The following SMPD3 variants were observed in gnomAD, a reference collection of about 807,000 sequenced individuals.
SMPD3 encodes sphingomyelin phosphodiesterase 3.
Under a neutral mutation model 55.7 loss-of-function variants are expected in SMPD3, and 21 were observed. The observed-to-expected ratio is 0.38, with a 90% CI of 0.27 to 0.54. SMPD3 has a LOEUF of 0.54. Among genes scored for constraint, SMPD3 ranks in the 20% least tolerant of loss-of-function variants. The pLI, the probability that SMPD3 is intolerant of heterozygous loss-of-function variation, is 0.80. For synonymous variants in SMPD3, 457 were observed against 404.3 expected (o/e 1.13, Z -1.56); for missense variants, 842 against 899.6 (o/e 0.94, Z 0.82).
At chr16:68,383,173 A>G (rs1038818067) in intron 2 of SMPD3, among the ~76,000 whole-genome samples, 15 of 152,140 alleles carry the variant, frequency 9.9e-5, no homozygotes, top group African/African-American at 3.6e-4. Context: ...GCCTGTCCGG[A>G]TAGCATCCCA....
intron 2 of SMPD3, among the ~76,000 whole-genome samples, chr16:68,385,475 T>C (rs2090037034): frequency 6.6e-6 from 1 of 152,104 alleles, no homozygotes; most frequent in African/African-American, 2.4e-5. Flanking sequence ...CCACCCCCAC[T>C]GAGCCATTGG....
At chr16:68,434,688 CTGA>C (rs1235789958) in intron 1 of SMPD3, among the ~76,000 whole-genome samples, 14 of 152,166 alleles carry the variant, frequency 9.2e-5, no homozygotes, top group Admixed American at 3.3e-4. Flanking sequence ...TGAGCCATAG[CTGA>C]TGATTTCTTT....
rs2089282275 is a variant in SMPD3, at chr16:68,361,775, G to A, written c.1710-16C>T. ...CTCCAGGACCCTGTCCACACATGCA[G>A]GAGGCAGGTGGGCCCCCATGCCCGC... On this transcript the variant is annotated splice_polypyrimidine_tract_variant and intron_variant, in intron 7 of 8. Transcript: ENST00000219334. 3 of 1,609,582 alleles carry A rather than the reference G, an allele frequency of 1.9e-6. No homozygotes were observed. The highest frequency in any genetic ancestry group is 2.5e-6 in the Non-Finnish European group (3 of 1,179,386).
intron 3 of SMPD3, chr16:68,368,303 TGTGGCTGGGGCAGAGCTGGAGCTAAGG>T (rs2089546067): frequency 1.1e-5 from 1 of 93,498 alleles, no homozygotes; most frequent in Non-Finnish European, 2.1e-5. Flanking sequence ...TCATCGGGGT[TGTGGCTGGGGCAGAGCTGGAGCTAAGG>T]GTGGCGGGGG....
chr16:68,409,604 T>G lies in SMPD3; in HGVS notation c.-268-22945A>C, dbSNP rs541534221. On this transcript the variant is annotated intron_variant, in intron 1 of 8. Coordinates refer to ENST00000219334, the MANE Select transcript of SMPD3 (RefSeq NM_018667.4). ...CTTGGTGCATGGTCATCATGATTGG[T>G]TTTTTTTGAGACGGAGTTTCACTCT... Among the ~76,000 whole-genome samples the G allele has an allele frequency of 1.7e-4, 26 of 152,018 alleles. 1 individual carries two copies. In the South Asian group the frequency reaches 4.2e-3, roughly 24 times the overall value.
At chr16:68,396,249 C>T (rs1465650375) in intron 1 of SMPD3, among the ~76,000 whole-genome samples, 2 of 152,180 alleles carry the variant, frequency 1.3e-5, no homozygotes, top group Non-Finnish European at 2.9e-5. Context: ...CAGCTCTGAG[C>T]TCATTCTGCC....
chr16:68,384,575 TTG>T (rs1265925533), intron 2 of SMPD3, among the ~76,000 whole-genome samples: 1 of 152,046 alleles, frequency 6.6e-6, no homozygotes, highest in Non-Finnish European at 1.5e-5. Context: ...AGGGACGGCC[TTG>T]TGTGTGTGAC....
chr16:68,394,305 T>C (rs1597641623), intron 1 of SMPD3, among the ~76,000 whole-genome samples: 2 of 152,370 alleles, frequency 1.3e-5, no homozygotes, highest in African/African-American at 4.8e-5. Context: ...TTAGGTTTCA[T>C]GTCTTACCTT....
chr16:68,403,045 C>A (rs892599519), intron 1 of SMPD3, among the ~76,000 whole-genome samples: 6 of 152,218 alleles, frequency 3.9e-5, no homozygotes, highest in Admixed American at 6.5e-5. Flanking sequence ...CTCCCTCTGG[C>A]CCCAGGGCCT....
intron 8 of SMPD3, 72 bp from the exon 9 acceptor site, chr16:68,361,379 G>GA (rs2089255314): frequency 1.3e-6 from 2 of 1,501,286 alleles, no homozygotes; most frequent in African/African-American, 2.8e-5. Context: ...GCGGCCTGGG[G>GA]ATCCCCAAAG....
intron 1 of SMPD3, among the ~76,000 whole-genome samples, chr16:68,440,180 A>G (rs2090555304): frequency 6.6e-6 from 1 of 152,198 alleles, no homozygotes; most frequent in African/African-American, 2.4e-5. Context: ...AAGATTCTGA[A>G]CAGCAAATTC....
chr16:68,367,425 ATC>A (rs1354029158), intron 3 of SMPD3: 1 of 121,330 alleles, frequency 8.2e-6, no homozygotes, highest in Admixed American at 8.6e-5. Flanking sequence ...TTCCAGTCGG[ATC>A]TGTTTGTCGT....
intron 2 of SMPD3, among the ~76,000 whole-genome samples, chr16:68,384,338 C>A (rs2090010621): frequency 6.6e-6 from 1 of 152,318 alleles, no homozygotes; most frequent in African/African-American, 2.4e-5. Context: ...CACCCATGGC[C>A]CCTGGGATAA....
In SMPD3 at chr16:68,363,766, C is replaced by T. The variant is rs2089390112; in HGVS notation, c.1645+11G>A. ...CCCAGCTCCCATCCTCCTCCCCCAG[C>T]CCCAGCTCACCGATGGCCCACGGCT... On this transcript the variant is annotated intron_variant, in intron 6 of 8. Coordinates refer to ENST00000219334, the MANE Select transcript of SMPD3 (RefSeq NM_018667.4). The T allele has an allele frequency of 6.4e-7, 1 of 1,556,978 alleles. No individual in the cohort carries two copies. Among genetic ancestry groups the T allele is most frequent in the Non-Finnish European group, 8.7e-7 (1 of 1,151,124 alleles).
intron 1 of SMPD3, among the ~76,000 whole-genome samples, chr16:68,400,116 C>T (rs2090193425): frequency 6.6e-6 from 1 of 152,244 alleles, no homozygotes; most frequent in South Asian, 2.1e-4. Context: ...ACTCTAAAAC[C>T]AGTGCTGTTC....
intron 1 of SMPD3, among the ~76,000 whole-genome samples, chr16:68,402,389 C>T (rs540994935): frequency 6.6e-6 from 1 of 152,240 alleles, no homozygotes; most frequent in South Asian, 2.1e-4. Context: ...AAGCAATAAG[C>T]CAGAGTCATG....
At chr16:68,372,756 C>T (rs975538055) in intron 2 of SMPD3, among the ~76,000 whole-genome samples, 2 of 152,174 alleles carry the variant, frequency 1.3e-5, no homozygotes, top group Admixed American at 6.5e-5. Flanking sequence ...TGACCGGGGG[C>T]CGCCGGAAGC....
At chr16:68,362,830 A>T (rs540227074) in intron 7 of SMPD3, among the ~76,000 whole-genome samples, 1 of 152,228 alleles carries the variant, frequency 6.6e-6, no homozygotes, top group Non-Finnish European at 1.5e-5. Context: ...TTAAATCATC[A>T]TCTCATAAAA....
Position 68,363,882 on chromosome 16 carries a change from G to A in SMPD3, c.1556-16C>T, listed in dbSNP as rs1371363859. On this transcript the variant is annotated splice_polypyrimidine_tract_variant and intron_variant, in intron 5 of 8. Coordinates refer to ENST00000219334, the MANE Select transcript of SMPD3 (RefSeq NM_018667.4). ...AGCTTGTCGTCTGTGCGGGGAGGGA[G>A]GAAACGCTGAGGCACCAGGGGGCTT... is the stretch of plus-strand genomic sequence containing the variant. The A allele has an allele frequency of 1.3e-6, 2 of 1,551,704 alleles. No homozygotes were observed. Among genetic ancestry groups the A allele is most frequent in the Middle Eastern group, 1.7e-4 (1 of 5,990 alleles).
Sources: gnomAD v4.1 joint callset for allele counts (sites outside exome capture counted in the v4.1 genomes callset) on GRCh38, gnomAD v4.1.1 for gene constraint, MANE v1.5 for transcripts, NCBI Gene and HGNC (gene_info 2026-07-23, HGNC 2026-07-21) for gene names.